Variants in FRMPD3 observed in about 807,000 individuals in gnomAD.
The protein encoded by FRMPD3 is FERM and PDZ domain-containing protein 3.
FRMPD3 carries 42 observed loss-of-function variants against 97.9 expected under a neutral mutation model. The ratio of observed to expected loss-of-function variants is 0.43; its 90% CI spans 0.34 to 0.55. FRMPD3 has a LOEUF of 0.55. Among genes scored for constraint, FRMPD3 ranks in the 20% least tolerant of loss-of-function variants. The pLI, the probability that FRMPD3 is intolerant of heterozygous loss-of-function variation, is 0.03. For missense variants in FRMPD3, 1,303 were observed against 1,457.7 expected, an observed-to-expected ratio of 0.89 and a Z score of 1.73; for synonymous variants, 577 against 581.1, an observed-to-expected ratio of 0.99 and a Z score of 0.10.
chrX:107,533,515 G>A lies in FRMPD3; in HGVS notation c.262G>A (p.Glu88Lys), dbSNP rs940677753. Residue 88 changes from glutamate (E) to lysine (K), a missense_variant, in exon 4 of 15, where the codon GAA (glutamate) becomes AAA (lysine). Physicochemically the swap from Glu to Lys is moderately conservative, Grantham distance 56. Around this residue, in one of 3 missense-constraint regions of FRMPD3, gnomAD observed 535 missense variants for 618.6 expected, o/e 0.86. Coordinates refer to ENST00000683843, the MANE Select transcript of FRMPD3 (RefSeq NM_001388459.1). ...RLIELIRSAK[E>K]FIVLTVLHTH... ...CTCTTTTCTCTGTAGGAGCGCTAAG[G>A]AATTCATCGTTCTTACAGTTCTGCA... 1.7e-5 allele frequency: 20 copies of A among 1,208,099 alleles called. No homozygotes were observed. The highest frequency in any genetic ancestry group is 1.9e-5 in the Non-Finnish European group (17 of 893,544).
Position 107,603,757 on chromosome X carries a change from G to A in FRMPD3, c.*384G>A, listed in dbSNP as rs1185638250. On this transcript the variant is annotated 3_prime_UTR_variant, in exon 15 of 15. Coordinates refer to ENST00000683843, the MANE Select transcript of FRMPD3 (RefSeq NM_001388459.1). ...TGAAGCAAGCGGACCCTCAGGCTTT[G>A]AGCTCCTCGTGGCATCGGCTCCCCT... The A allele has an allele frequency of 2.1e-5, 3 of 144,017 alleles. No individual in the cohort carries two copies. The highest frequency in any genetic ancestry group is 4.1e-5 in the Non-Finnish European group (3 of 73,672). 11.9% of individuals were successfully genotyped at this position (144,017 alleles called of 1,213,427 possible).
rs915320452 is a variant in FRMPD3, at chrX:107,540,700, G to A, written c.298-5037G>A. On this transcript the variant is annotated intron_variant, in intron 4 of 14. Coordinates refer to ENST00000683843, the MANE Select transcript of FRMPD3 (RefSeq NM_001388459.1). ...TGCAAAGTGAGATTCCCAGCTGCTTGGAGAAAAAAATAGGGTCAGTGAAGA... is the reference window on the plus strand; with the variant it reads ...TGCAAAGTGAGATTCCCAGCTGCTTAGAGAAAAAAATAGGGTCAGTGAAGA... 7.2e-5 allele frequency among the ~76,000 whole-genome samples: 8 copies of A among 111,847 alleles called. No individual in the cohort carries two copies. In the Admixed American group the frequency reaches 7.6e-4, roughly 11 times the overall value.
chrX:107,563,010 TG>T, intron 10 of FRMPD3, 100 bp from the exon 11 acceptor site: 1 of 582,348 alleles, frequency 1.7e-6, no homozygotes, highest in Non-Finnish European at 2.9e-6. Context: ...ACTTGCTGAC[TG>T]GTGCCTGTCC....
chrX:107,552,752 G>T, intron 6 of FRMPD3, 43 bp from the exon 7 acceptor site: 2 of 1,193,689 alleles, frequency 1.7e-6, no homozygotes, highest in African/African-American at 1.8e-5. Flanking sequence ...ATAGCTTAGG[G>T]CCAGAACTAA....
At chrX:107,513,873 G>A (rs1208870288) in intron 1 of FRMPD3, among the ~76,000 whole-genome samples, 1 of 112,309 alleles carries the variant, frequency 8.9e-6, no homozygotes, top group East Asian at 2.8e-4. Context: ...AAAAAAGACA[G>A]AGTTCCTACT....
At chrX:107,478,711 G>A (rs758098163) in intron 1 of FRMPD3, among the ~76,000 whole-genome samples, 14 of 112,055 alleles carry the variant, frequency 1.2e-4, no homozygotes, top group South Asian at 3.7e-4. Context: ...TTGTAAAGCC[G>A]AGCCATGCAA....
In FRMPD3 at chrX:107,602,117, C is replaced by A. The variant is rs1041332033; in HGVS notation, c.4078C>A (p.Arg1360=). ...CATTCGTTCTACCAGCCTGGAGTCC[C>A]GAGAGTGCCGATCGGACCCTGAGAG... is the stretch of plus-strand genomic sequence containing the variant. ...QRIRSTSLES[R]ECRSDPESGV... is the part of the protein sequence containing the mutation. Residue 1360 remains arginine (R), a synonymous_variant, in exon 15 of 15, where the codon CGA becomes AGA. Coordinates refer to ENST00000683843, the MANE Select transcript of FRMPD3 (RefSeq NM_001388459.1). 8.3e-7 allele frequency: 1 copy of A among 1,208,609 alleles called. No individual in the cohort carries two copies. The highest frequency in any genetic ancestry group is 1.1e-6 in the Non-Finnish European group (1 of 894,796).
At chrX:107,571,499 G>A (rs998438491) in intron 12 of FRMPD3, among the ~76,000 whole-genome samples, 2 of 112,259 alleles carry the variant, frequency 1.8e-5, no homozygotes, top group South Asian at 3.7e-4. Flanking sequence ...GGCTCCTGAT[G>A]AGCTGTGCTG....
chrX:107,453,060 C>A (rs771215220), intron 1 of FRMPD3, among the ~76,000 whole-genome samples: 1 of 111,114 alleles, frequency 9.0e-6, no homozygotes, highest in Non-Finnish European at 1.9e-5. Context: ...TCCCCCACTA[C>A]GCATAAATGA....
chrX:107,554,140 G>T (rs1000633409), intron 7 of FRMPD3, among the ~76,000 whole-genome samples: 1 of 111,267 alleles, frequency 9.0e-6, no homozygotes, highest in Non-Finnish European at 1.9e-5. Flanking sequence ...GGTTGATAAA[G>T]GTCATGTCCT....
chrX:107,507,375 G>A (rs761140039), intron 1 of FRMPD3, among the ~76,000 whole-genome samples: 2 of 111,149 alleles, frequency 1.8e-5, no homozygotes, highest in South Asian at 3.9e-4. Flanking sequence ...TGCGGGGTGC[G>A]GGGGATCGGG....
chrX:107,539,558 A>G (rs1024280707), intron 4 of FRMPD3, among the ~76,000 whole-genome samples: 11 of 110,621 alleles, frequency 9.9e-5, no homozygotes, highest in Admixed American at 5.8e-4. Flanking sequence ...AAAGAACTGG[A>G]ATCCCTTCTG....
At position 107,503,233 on chromosome X, in the gene FRMPD3, G is replaced by A. The variant is rs1921956561; in HGVS notation, c.-7-23349G>A. Among the ~76,000 whole-genome samples the A allele has an allele frequency of 1.8e-5, 2 of 112,432 alleles. 1 individual carries two copies. Among genetic ancestry groups the A allele is most frequent in the Admixed American group, 1.9e-4 (2 of 10,704 alleles). On this transcript the variant is annotated intron_variant, in intron 1 of 14. Transcript: ENST00000683843. ...TCCATAGTGCCAGCCCTGCCTCTCT[G>A]TTTAACCCCCATGCCTACACAGTGC...
Position 107,601,684 on chromosome X carries a change from G to A in FRMPD3, c.3645G>A (p.Arg1215=), listed in dbSNP as rs1756837217. The change falls in exon 15 of 15, where the codon CGG becomes CGA. Residue 1215 remains arginine (R), a synonymous_variant. Coordinates refer to ENST00000683843, the MANE Select transcript of FRMPD3 (RefSeq NM_001388459.1). ...CCAAGTCATCCCGAGGTCCTTTCCG[G>A]CTACGCAATTTATTCTCTGCCACCT... ...AKPKSSRGPF[R]LRNLFSATFP... is the part of the protein sequence containing the mutation. 5 of 1,209,714 alleles carry A rather than the reference G, an allele frequency of 4.1e-6. No homozygotes were observed. The highest frequency in any genetic ancestry group is 5.9e-5 in the East Asian group (2 of 33,777).
chrX:107,499,944 A>G (rs1413611640), intron 1 of FRMPD3, among the ~76,000 whole-genome samples: 5 of 111,459 alleles, frequency 4.5e-5, no homozygotes, highest in Admixed American at 9.5e-5. Context: ...CAAAACACCA[A>G]TACTCTGGGA....
chrX:107,603,543 G>T lies in FRMPD3; in HGVS notation c.*170G>T. 1 of 1,011,178 alleles carries T rather than the reference G, an allele frequency of 9.9e-7. No individual in the cohort carries two copies. The allele number at this position is 1,011,178 out of a possible 1,213,427, so 83.3% of individuals were successfully genotyped here. ...TCTTGATTGAGGCTCTCTCTTAAGG[G>T]CTGCAGGCTTAGCTGCCGCCCTGGG... On this transcript the variant is annotated 3_prime_UTR_variant, in exon 15 of 15. Coordinates refer to ENST00000683843, the MANE Select transcript of FRMPD3 (RefSeq NM_001388459.1).
intron 5 of FRMPD3, among the ~76,000 whole-genome samples, chrX:107,546,165 G>A (rs758186590): frequency 8.9e-6 from 1 of 112,010 alleles, no homozygotes; most frequent in South Asian, 3.8e-4. Flanking sequence ...AAACAGGAAG[G>A]AAATAATGGC....
At chrX:107,473,257 A>G (rs1307043711) in intron 1 of FRMPD3, among the ~76,000 whole-genome samples, 3 of 111,729 alleles carry the variant, frequency 2.7e-5, no homozygotes, top group African/African-American at 9.8e-5. Context: ...AAAGTATTTG[A>G]TTGACACCTC....
At position 107,569,022 on chromosome X, in the gene FRMPD3, C is replaced by T. The variant is rs112606589; in HGVS notation, c.1296+3956C>T. On this transcript the variant is annotated intron_variant, in intron 12 of 14. Coordinates refer to ENST00000683843, the MANE Select transcript of FRMPD3 (RefSeq NM_001388459.1). ...AGAAATGGACATATACAGCCCTGCA[C>T]GGTGGCTAATGCCTGTAATCCCAGC... Among the ~76,000 whole-genome samples, 603 of 110,523 alleles carry T rather than the reference C, an allele frequency of 5.5e-3. 10 individuals are homozygous for T. The highest frequency in any genetic ancestry group is 0.019 in the African/African-American group (577 of 30,444).
Sources: allele counts gnomAD v4.1 joint callset (sites outside exome capture counted in the v4.1 genomes callset), GRCh38; gene constraint gnomAD v4.1.1; regional missense constraint gnomAD v4.1.1; transcripts MANE v1.5; gene names NCBI Gene and HGNC (gene_info 2026-07-23, HGNC 2026-07-21).